DPP10: variants seen among roughly 807,000 people sequenced by gnomAD.
DPP10 encodes inactive dipeptidyl peptidase 10.
In DPP10, 33 loss-of-function variants were observed where a neutral mutation model predicts 120.9. The observed-to-expected ratio is 0.27, with a 90% confidence interval of 0.21 to 0.37. The LOEUF is 0.37. Ranked by LOEUF, DPP10 falls within the 10% of genes least tolerant of loss-of-function variation. The pLI, the probability that DPP10 is intolerant of heterozygous loss-of-function variation, is 1.00. For synonymous variants in DPP10, 337 were observed against 326.1 expected (o/e 1.03, Z -0.36); for missense variants, 816 against 942.8 (o/e 0.87, Z 1.76).
intron 3 of DPP10, among the ~76,000 whole-genome samples, chr2:115,380,671 G>T (rs1394672793): frequency 6.6e-6 from 1 of 152,104 alleles, no homozygotes; most frequent in Non-Finnish European, 1.5e-5. Context: ...ATTTTGGCAT[G>T]ATTTTGCAGT....
intron 4 of DPP10, among the ~76,000 whole-genome samples, chr2:115,523,426 T>G (rs979996996): frequency 8.6e-6 from 1 of 116,104 alleles, no homozygotes; most frequent in African/African-American, 3.5e-5. Context: ...AAAAAAACCC[T>G]CCTGCTAGTG....
chr2:115,331,224 G>C (rs1331041286), intron 2 of DPP10, among the ~76,000 whole-genome samples: 1 of 151,998 alleles, frequency 6.6e-6, no homozygotes, highest in African/African-American at 2.4e-5. Context: ...TTGGCTCTCT[G>C]TCTGTTATTT....
At chr2:114,552,650 A>G (rs1300908205) in intron 1 of DPP10, among the ~76,000 whole-genome samples, 2 of 151,878 alleles carry the variant, frequency 1.3e-5, no homozygotes, top group Non-Finnish European at 2.9e-5. Context: ...GGTTCAAGCA[A>G]TTCTCATGCC....
At chr2:115,811,289 G>C (rs767486819) in intron 19 of DPP10, among the ~76,000 whole-genome samples, 35 of 152,274 alleles carry the variant, frequency 2.3e-4, no homozygotes, top group Non-Finnish European at 4.7e-4. Flanking sequence ...ACCACTTCGT[G>C]ATCTAACATT....
At chr2:115,282,728 G>T (rs1323133635) in intron 1 of DPP10, among the ~76,000 whole-genome samples, 1 of 152,076 alleles carries the variant, frequency 6.6e-6, no homozygotes, top group Non-Finnish European at 1.5e-5. Flanking sequence ...GGTAGCCTTT[G>T]TTTGGAAATA....
At chr2:114,484,795 T>C (rs758509311) in intron 1 of DPP10, among the ~76,000 whole-genome samples, 1 of 152,138 alleles carries the variant, frequency 6.6e-6, no homozygotes, top group African/African-American at 2.4e-5. Flanking sequence ...TAAATGAATA[T>C]ATAGCATAAT....
At chr2:114,861,590 T>C (rs1689813391) in intron 1 of DPP10, among the ~76,000 whole-genome samples, 1 of 152,188 alleles carries the variant, frequency 6.6e-6, no homozygotes, top group African/African-American at 2.4e-5. Context: ...ACTACATTTA[T>C]GTTGAATTTT....
At chr2:114,725,023 T>C (rs533253852) in intron 1 of DPP10, among the ~76,000 whole-genome samples, 1 of 152,298 alleles carries the variant, frequency 6.6e-6, no homozygotes, top group East Asian at 1.9e-4. Flanking sequence ...TTTTGGTTTC[T>C]CAGATCACAT....
rs1036021 is a variant in DPP10 at position 114,444,578 on chromosome 2, G to C, written c.60+1740G>C. ...CTGCCCACAAACAAACTGTGGAACA[G>C]AAAAAAAAATGTTTCTAGTGTAGAG... On this transcript the variant is annotated intron_variant, in intron 1 of 25. Coordinates refer to ENST00000410059, the MANE Select transcript of DPP10 (RefSeq NM_020868.6). Among the ~76,000 whole-genome samples the C allele has an allele frequency of 4.5e-3, 681 of 151,534 alleles. 5 individuals carry two copies. The highest frequency in any genetic ancestry group is 0.015 in the African/African-American group (612 of 41,348).
intron 1 of DPP10, among the ~76,000 whole-genome samples, chr2:114,647,511 G>T (rs1441945292): frequency 6.6e-6 from 1 of 151,954 alleles, no homozygotes; most frequent in Non-Finnish European, 1.5e-5. Context: ...ACATAATAAT[G>T]ATATCCTTTG....
intron 1 of DPP10, among the ~76,000 whole-genome samples, chr2:114,884,195 G>C (rs1035687705): frequency 1.3e-5 from 2 of 152,118 alleles, no homozygotes; most frequent in African/African-American, 4.8e-5. Context: ...GAAGGAAAAA[G>C]GGCCTCTACT....
At chr2:115,277,604 A>G (rs1380322862) in intron 1 of DPP10, among the ~76,000 whole-genome samples, 2 of 151,844 alleles carry the variant, frequency 1.3e-5, no homozygotes, top group Admixed American at 6.6e-5. Flanking sequence ...TGAAAGAATA[A>G]TTACCTTTGT....
chr2:114,681,970 C>G (rs1699056241), intron 1 of DPP10, among the ~76,000 whole-genome samples: 1 of 151,932 alleles, frequency 6.6e-6, no homozygotes, highest in East Asian at 1.9e-4. Flanking sequence ...AAATGGCTGG[C>G]CTGGGTCTCA....
At chr2:115,768,189 C>A (rs972046162) in intron 12 of DPP10, 108 bp from the exon 13 acceptor site, 2 of 899,680 alleles carry the variant, frequency 2.2e-6, no homozygotes, top group Non-Finnish European at 3.2e-6. Context: ...ATTTTCCTAA[C>A]TAATTATAAA....
At chr2:115,216,877 ACGTGTATATATG>A (rs1574044988) in intron 1 of DPP10, among the ~76,000 whole-genome samples, 1 of 152,052 alleles carries the variant, frequency 6.6e-6, no homozygotes, top group East Asian at 2.0e-4. Context: ...ATAGACATAT[ACGTGTATATATG>A]TGTATACGTA....
At chr2:114,547,908 G>T (rs903845941) in intron 1 of DPP10, among the ~76,000 whole-genome samples, 1 of 152,152 alleles carries the variant, frequency 6.6e-6, no homozygotes, top group Non-Finnish European at 1.5e-5. Context: ...GGGTGGGCTG[G>T]TGATTGCATT....
intron 21 of DPP10, among the ~76,000 whole-genome samples, chr2:115,817,929 G>C (rs1687431742): frequency 6.6e-6 from 1 of 152,136 alleles, no homozygotes; most frequent in South Asian, 2.1e-4. Flanking sequence ...CAGGATTTGA[G>C]GGGAGAGGAA....
At chr2:115,126,371 A>G (rs760739382) in intron 1 of DPP10, among the ~76,000 whole-genome samples, 1 of 152,142 alleles carries the variant, frequency 6.6e-6, no homozygotes, top group Non-Finnish European at 1.5e-5. Context: ...CAAAGGGCCA[A>G]TATTACAAGC....
chr2:115,555,274 C>A (rs186917840), intron 5 of DPP10, among the ~76,000 whole-genome samples: 1 of 152,136 alleles, frequency 6.6e-6, no homozygotes, highest in East Asian at 1.9e-4. Context: ...TGCCCTCTTA[C>A]GTTTGGAGCT....
Sources: gnomAD v4.1 joint callset for allele counts (sites outside exome capture counted in the v4.1 genomes callset) on GRCh38, gnomAD v4.1.1 for gene constraint, MANE v1.5 for transcripts, NCBI Gene and HGNC (gene_info 2026-07-23, HGNC 2026-07-21) for gene names.